LHPP: variants seen among roughly 807,000 people sequenced by gnomAD.
LHPP encodes hLHPP.
A neutral mutation model predicts 30.3 loss-of-function variants in LHPP; 24 were observed. That is an observed-to-expected ratio of 0.79 (90% CI 0.57 to 1.11). LHPP has a LOEUF of 1.11. LHPP is among the 50% of genes most tolerant of loss of function. LHPP has a pLI of 0.00. For synonymous variants in LHPP, 150 were observed against 157.1 expected (o/e 0.95, Z 0.34); for missense variants, 356 against 367.2 (o/e 0.97, Z 0.25).
intron 6 of LHPP, among the ~76,000 whole-genome samples, chr10:124,594,063 TG>T (rs1948913291): frequency 6.6e-6 from 1 of 151,754 alleles, no homozygotes; most frequent in African/African-American, 2.4e-5. Context: ...CGGCCGGACG[TG>T]GGGGGCTCCC....
chr10:124,529,839 A>C (rs1954847661), intron 6 of LHPP, among the ~76,000 whole-genome samples: 1 of 151,546 alleles, frequency 6.6e-6, no homozygotes, highest in African/African-American at 2.4e-5. Flanking sequence ...ACACATGCGC[A>C]CATGCACCCA....
At chr10:124,498,367 G>A (rs895466692) in intron 5 of LHPP, 26 of 1,560,082 alleles carry the variant, frequency 1.7e-5, no homozygotes, top group Non-Finnish European at 2.1e-5. Flanking sequence ...AATGCCTGCG[G>A]CTTTTCCTGA....
In LHPP at chr10:124,517,164, T is replaced by G; in HGVS notation, c.625-16T>G. The G allele has an allele frequency of 6.3e-7, 1 of 1,583,218 alleles. No individual in the cohort carries two copies. Among genetic ancestry groups the G allele is most frequent in the Non-Finnish European group, 8.6e-7 (1 of 1,163,678 alleles). Reference sequence around the variant, plus strand: ...CTCCTGACATCACTTCTGAGCGTATTTCACTGCCGTGACAGGCCGTCATGA... The same window carrying G: ...CTCCTGACATCACTTCTGAGCGTATGTCACTGCCGTGACAGGCCGTCATGA... On this transcript the variant is annotated splice_polypyrimidine_tract_variant and intron_variant, in intron 5 of 6. Transcript: ENST00000368842. The surrounding 1 kb of genome is among the most constrained non-coding windows in gnomAD (Gnocchi z 4.1).
chr10:124,533,360 G>A (rs914316047), intron 6 of LHPP, among the ~76,000 whole-genome samples: 14 of 152,350 alleles, frequency 9.2e-5, no homozygotes, highest in African/African-American at 3.4e-4. Flanking sequence ...GGGGGCGGCA[G>A]GGGCGTGGGG....
At chr10:124,540,782 A>G (rs1231535291) in intron 6 of LHPP, among the ~76,000 whole-genome samples, 1 of 151,986 alleles carries the variant, frequency 6.6e-6, no homozygotes, top group African/African-American at 2.4e-5. Flanking sequence ...TGAGGTGGCC[A>G]CCAAAACCAG....
chr10:124,542,178 C>T (rs935634882), intron 6 of LHPP, among the ~76,000 whole-genome samples: 9 of 152,120 alleles, frequency 5.9e-5, no homozygotes, highest in African/African-American at 1.9e-4. Context: ...GGCTGGCGTT[C>T]GGGCCAGCAT....
chr10:124,537,036 T>G (rs1955044303), intron 6 of LHPP, among the ~76,000 whole-genome samples: 1 of 152,224 alleles, frequency 6.6e-6, no homozygotes, highest in Non-Finnish European at 1.5e-5. Flanking sequence ...ATCTAGCACT[T>G]AGAATGTGCT....
At chr10:124,565,799 G>A (rs1948478929) in intron 6 of LHPP, among the ~76,000 whole-genome samples, 2 of 152,242 alleles carry the variant, frequency 1.3e-5, no homozygotes. Flanking sequence ...GAAGGCAGGG[G>A]GAAGGCTGGC....
intron 1 of LHPP, among the ~76,000 whole-genome samples, chr10:124,466,203 A>T (rs540977669): frequency 6.6e-6 from 1 of 152,334 alleles, no homozygotes; most frequent in South Asian, 2.1e-4. Flanking sequence ...AGAAGGAATG[A>T]GTACCTTGTC....
chr10:124,498,248 G>A, intron 5 of LHPP, 120 bp downstream of exon 5: 1 of 1,510,194 alleles, frequency 6.6e-7, no homozygotes, highest in Non-Finnish European at 9.2e-7. Flanking sequence ...CCAAGCGTGG[G>A]CTCCCTGTGA....
At chr10:124,463,121 G>A (rs1270421007) in intron 1 of LHPP, among the ~76,000 whole-genome samples, 2 of 152,164 alleles carry the variant, frequency 1.3e-5, no homozygotes, top group African/African-American at 4.8e-5. Context: ...CACCTGCCTC[G>A]GCCTCCCAAA....
At chr10:124,463,583 G>A (rs529771570) in intron 1 of LHPP, among the ~76,000 whole-genome samples, 17 of 151,634 alleles carry the variant, frequency 1.1e-4, no homozygotes, top group Non-Finnish European at 7.4e-5. Flanking sequence ...GGCTGGTCTC[G>A]AACTCCTGAC....
At chr10:124,514,527 T>G (rs1468519792) in intron 5 of LHPP, among the ~76,000 whole-genome samples, 1 of 152,236 alleles carries the variant, frequency 6.6e-6, no homozygotes, top group Admixed American at 6.5e-5. Flanking sequence ...GTCTTCTCAC[T>G]TGCATTGTTT....
intron 6 of LHPP, among the ~76,000 whole-genome samples, chr10:124,611,635 G>A (rs962800717): frequency 7.2e-5 from 11 of 151,954 alleles, no homozygotes; most frequent in Non-Finnish European, 1.3e-4. Context: ...TGTGGCCCCC[G>A]TCCAGGTCCA....
intron 5 of LHPP, among the ~76,000 whole-genome samples, chr10:124,511,476 A>C (rs566533869): frequency 6.6e-6 from 1 of 152,304 alleles, no homozygotes; most frequent in Non-Finnish European, 1.5e-5. Context: ...ACGTGGTTTT[A>C]TTTCAGTACC....
Position 124,526,144 on chromosome 10 carries a change from C to T in LHPP, c.716+8873C>T, listed in dbSNP as rs1954727475. 5.1e-6 allele frequency: 5 copies of T among 984,208 alleles called. No individual in the cohort carries two copies. The Admixed American group carries it at 3.1e-4, about 61-fold the overall frequency. The allele number at this position is 984,208 out of a possible 1,614,324, so 61.0% of individuals were successfully genotyped here. On this transcript the variant is annotated intron_variant, in intron 6 of 6. Transcript: ENST00000368842. ...GAGCGTCAGCAGGGCCCTCTCTTCTCCCTAGAGCCGCTCAACACGTGTTGC... is the reference window on the plus strand; with the variant it reads ...GAGCGTCAGCAGGGCCCTCTCTTCTTCCTAGAGCCGCTCAACACGTGTTGC...
chr10:124,589,503 C>T (rs1209877912), intron 6 of LHPP, among the ~76,000 whole-genome samples: 1 of 152,228 alleles, frequency 6.6e-6, no homozygotes. Flanking sequence ...CAGGATTCCA[C>T]CCAGGAGAAG....
At chr10:124,564,389 C>G (rs1174050383) in intron 6 of LHPP, among the ~76,000 whole-genome samples, 3 of 151,964 alleles carry the variant, frequency 2.0e-5, no homozygotes, top group African/African-American at 7.3e-5. Context: ...TCCCAAAGTG[C>G]TGGGATTGCA....
intron 6 of LHPP, among the ~76,000 whole-genome samples, chr10:124,564,125 AT>A (rs1462469799): frequency 0.029 from 3,570 of 123,850 alleles, 111 homozygotes; most frequent in African/African-American, 0.09. Context: ...TTAAAAAAAA[AT>A]TTTTTTTTTT....
Sources: allele counts gnomAD v4.1 joint callset (sites outside exome capture counted in the v4.1 genomes callset), GRCh38; gene constraint gnomAD v4.1.1; non-coding constraint Gnocchi (gnomAD v3.1); transcripts MANE v1.5; gene names NCBI Gene and HGNC (gene_info 2026-07-23, HGNC 2026-07-21).